PCM1: variants seen among roughly 807,000 people sequenced by gnomAD.
PCM1 encodes the protein pericentriolar material 1.
A neutral mutation model predicts 241.9 loss-of-function variants in PCM1; 157 were observed. The ratio of observed to expected loss-of-function variants is 0.65; its 90% CI spans 0.57 to 0.74. The LOEUF is 0.74. Among genes scored for constraint, PCM1 ranks in the 30% least tolerant of loss-of-function variants. The pLI, the probability that PCM1 is intolerant of heterozygous loss-of-function variation, is 0.00. For missense variants in PCM1, 3,478 were observed against 2,360.1 expected, an observed-to-expected ratio of 1.47 and a Z score of -9.81; for synonymous variants, 1,085 against 784.9, an observed-to-expected ratio of 1.38 and a Z score of -6.39.
Position 17,937,117 on chromosome 8 carries a change from C to T in PCM1, c.97-17C>T, listed in dbSNP as rs115530755. ...TTGATACAGGCCATGTTAATTTTTGCTTTTACTTTTTTAAAGGATTGGGGT... is the reference window on the plus strand; with the variant it reads ...TTGATACAGGCCATGTTAATTTTTGTTTTTACTTTTTTAAAGGATTGGGGT... On this transcript the variant is annotated splice_polypyrimidine_tract_variant and intron_variant, in intron 3 of 38. Transcript: ENST00000325083. 1.4e-3 allele frequency: 2,080 copies of T among 1,529,032 alleles called. 20 individuals are homozygous for T. The African/African-American group carries it at 0.026, about 19-fold the overall frequency. 94.7% of individuals were successfully genotyped at this position (1,529,032 alleles called of 1,614,324 possible).
intron 8 of PCM1, among the ~76,000 whole-genome samples, chr8:17,952,465 T>G (rs548176663): frequency 2.6e-5 from 4 of 152,286 alleles, no homozygotes; most frequent in African/African-American, 9.6e-5. Context: ...TCTAAAACTA[T>G]GTAGAGTCAG....
intron 2 of PCM1, among the ~76,000 whole-genome samples, chr8:17,935,148 C>A (rs1436716406): frequency 6.6e-6 from 1 of 152,204 alleles, no homozygotes; most frequent in Admixed American, 6.5e-5. Context: ...GTTCTCCCGT[C>A]TTTGACTCTT....
chr8:17,959,457 T>C (rs1190433772), intron 13 of PCM1, among the ~76,000 whole-genome samples: 2 of 152,132 alleles, frequency 1.3e-5, no homozygotes, highest in Non-Finnish European at 2.9e-5. Context: ...TTAGAAACAA[T>C]GCACCAAAGA....
intron 6 of PCM1, 51 bp from the exon 7 acceptor site, chr8:17,947,135 C>A: frequency 1.7e-6 from 2 of 1,200,124 alleles, no homozygotes; most frequent in South Asian, 1.5e-5. Context: ...ATTGAAACCG[C>A]AACATGGATT....
chr8:17,931,760 T>C (rs2059115452), intron 2 of PCM1, among the ~76,000 whole-genome samples: 1 of 152,126 alleles, frequency 6.6e-6, no homozygotes, highest in Admixed American at 6.5e-5. Context: ...TATTCTTCAG[T>C]ATTACAAATT....
In PCM1 at chr8:17,937,339, A is replaced by G. The variant is rs1478771117; in HGVS notation, c.302A>G (p.Glu101Gly). Reference sequence around the variant, plus strand: ...TCTGTCCCAGAGCAGGCAGAATTAGAGAAACTGAAACAGCGGATAAACTTC... The same window carrying G: ...TCTGTCCCAGAGCAGGCAGAATTAGGGAAACTGAAACAGCGGATAAACTTC... ...QMSVPEQAEL[E>G]KLKQRINFSD... is the part of the protein sequence containing the mutation. Residue 101 changes from glutamate to glycine, a missense_variant, in exon 4 of 39, where the codon GAG (glutamate) becomes GGG (glycine). Coordinates refer to ENST00000325083, the MANE Select transcript of PCM1 (RefSeq NM_006197.4). The G allele has an allele frequency of 6.2e-7, 1 of 1,606,942 alleles. No homozygotes were observed. The highest frequency in any genetic ancestry group is 8.5e-7 in the Non-Finnish European group (1 of 1,176,790).
intron 29 of PCM1, among the ~76,000 whole-genome samples, chr8:17,996,218 C>G (rs562692531): frequency 6.6e-6 from 1 of 152,138 alleles, no homozygotes; most frequent in African/African-American, 2.4e-5. Context: ...CTTCTATACC[C>G]AGTTTTTTGA....
intron 29 of PCM1, among the ~76,000 whole-genome samples, chr8:18,000,217 G>C (rs1305726657): frequency 6.6e-6 from 1 of 152,172 alleles, no homozygotes; most frequent in Non-Finnish European, 1.5e-5. Flanking sequence ...GAAGGAACTA[G>C]AGGGAAAGTC....
At position 17,979,881 on chromosome 8, in the gene PCM1, T is replaced by C. The variant is rs545894914; in HGVS notation, c.3944-710T>C. 3.9e-5 allele frequency among the ~76,000 whole-genome samples: 6 copies of C among 152,286 alleles called. No homozygotes were observed. In the South Asian group the frequency reaches 1.0e-3, roughly 26 times the overall value. On this transcript the variant is annotated intron_variant, in intron 23 of 38. Coordinates refer to ENST00000325083, the MANE Select transcript of PCM1 (RefSeq NM_006197.4). ...CTAGTGGGACTTGCCTTAGCAGATA[T>C]TTGATCATCCTGTATAACTTGTGTT...
In PCM1 at chr8:17,947,187, C is replaced by T; in HGVS notation, c.785C>T (p.Ala262Val). 2 of 1,581,462 alleles carry T rather than the reference C, an allele frequency of 1.3e-6. No individual in the cohort carries two copies. The highest frequency in any genetic ancestry group is 1.7e-6 in the Non-Finnish European group (2 of 1,160,732). The change falls in exon 7 of 39, where the codon GCC (alanine) becomes GTC (valine). Residue 262 changes from alanine (A) to valine (V), a missense_variant and splice_region_variant. Physicochemically the swap from Ala to Val is moderately conservative, Grantham distance 64. Transcript: ENST00000325083. ...SYMKFLKKIL[A>V]RDPQQEPMEE... ...AGTATTGTTGGTCTTATTTTCCAGGCCAGAGATCCTCAGCAGGAGCCTATG... is the reference window on the plus strand; with the variant it reads ...AGTATTGTTGGTCTTATTTTCCAGGTCAGAGATCCTCAGCAGGAGCCTATG...
intron 2 of PCM1, chr8:17,926,061 A>T (rs1475634387): frequency 2.0e-5 from 3 of 152,136 alleles, no homozygotes; most frequent in Non-Finnish European, 4.4e-5. Flanking sequence ...CTCAAGGGAA[A>T]GGTCACATGT....
Position 17,938,722 on chromosome 8 carries a change from T to C in PCM1, c.343-18T>C, listed in dbSNP as rs1298543300. 1 of 1,593,162 alleles carries C rather than the reference T, an allele frequency of 6.3e-7. No homozygotes were observed. Among genetic ancestry groups the C allele is most frequent in the Admixed American group, 1.7e-5 (1 of 59,004 alleles). On this transcript the variant is annotated intron_variant, in intron 4 of 38. Coordinates refer to ENST00000325083, the MANE Select transcript of PCM1 (RefSeq NM_006197.4). Reference sequence around the variant, plus strand: ...TAAGGTTAATGTTTGTGTGATTTGATTTCTTTTTCATATATAGAGAAGCAT... The same window carrying C: ...TAAGGTTAATGTTTGTGTGATTTGACTTCTTTTTCATATATAGAGAAGCAT...
intron 23 of PCM1, among the ~76,000 whole-genome samples, chr8:17,974,471 GTT>G (rs781382276): frequency 6.6e-6 from 1 of 152,206 alleles, no homozygotes; most frequent in Non-Finnish European, 1.5e-5. Flanking sequence ...TAGGAATACA[GTT>G]TTAAGTGCAG....
At chr8:18,015,251 TAA>T (rs34076308) in intron 36 of PCM1, among the ~76,000 whole-genome samples, 1 of 145,274 alleles carries the variant, frequency 6.9e-6, no homozygotes, top group South Asian at 2.2e-4. Flanking sequence ...CAGTGAATGA[TAA>T]AAAAAAAAAA....
chr8:17,937,606 C>G (rs1192981293), intron 4 of PCM1, among the ~76,000 whole-genome samples: 1 of 152,070 alleles, frequency 6.6e-6, no homozygotes, highest in Non-Finnish European at 1.5e-5. Flanking sequence ...GGACTTTATA[C>G]TATGTTATAT....
chr8:17,957,999 A>G (rs950436798), intron 13 of PCM1, among the ~76,000 whole-genome samples: 1 of 152,186 alleles, frequency 6.6e-6, no homozygotes, highest in African/African-American at 2.4e-5. Context: ...GCGATATAGT[A>G]TCTGTCACAA....
At chr8:18,001,547 G>GCCC (rs773768700) in intron 29 of PCM1, among the ~76,000 whole-genome samples, 26 of 152,174 alleles carry the variant, frequency 1.7e-4, no homozygotes, top group Non-Finnish European at 3.2e-4. Flanking sequence ...AATGGAATAG[G>GCCC]AAGACAGGAC....
Position 18,025,440 on chromosome 8 carries a change from C to G in PCM1, c.5921C>G (p.Thr1974Arg), listed in dbSNP as rs763374724. 6.9e-6 allele frequency: 11 copies of G among 1,585,880 alleles called. No homozygotes were observed. Among genetic ancestry groups the G allele is most frequent in the South Asian group, 1.1e-5 (1 of 88,480 alleles). Residue 1974 changes from threonine to arginine, a missense_variant, in exon 37 of 39, where the codon ACA (threonine) becomes AGA (arginine). Transcript: ENST00000325083. The stretch of plus-strand genomic sequence containing the variant: ...GTTGAAGATTTACCACTGAAACTGA[C>G]AATATATTCAGAGGTATTTAGCTGT... Reference protein sequence around the residue: ...VKVEDLPLKLTIYSEADLRKK... With the variant: ...VKVEDLPLKLRIYSEADLRKK...
rs534991603 is a variant in PCM1, at chr8:17,952,266, A to G, written c.1072-704A>G. Among the ~76,000 whole-genome samples the G allele has an allele frequency of 2.6e-5, 4 of 152,060 alleles. No homozygotes were observed. The South Asian group carries it at 6.2e-4, about 24-fold the overall frequency. The stretch of plus-strand genomic sequence containing the variant: ...AAATAAATAAATAAAAAATAAAGGA[A>G]CATGAGAGAGAAGTGGTGGGAAAAA... On this transcript the variant is annotated intron_variant, in intron 8 of 38. Transcript: ENST00000325083.
Sources: allele counts gnomAD v4.1 joint callset (sites outside exome capture counted in the v4.1 genomes callset), GRCh38; gene constraint gnomAD v4.1.1; transcripts MANE v1.5; gene names NCBI Gene and HGNC (gene_info 2026-07-23, HGNC 2026-07-21).